Variants in C14orf93 observed in about 807,000 individuals in gnomAD.
C14orf93 encodes the protein uncharacterized protein C14orf93.
Under a neutral mutation model 44.0 loss-of-function variants are expected in C14orf93, and 23 were observed. That is an observed-to-expected ratio of 0.52 (90% confidence interval 0.38 to 0.74). The LOEUF (loss-of-function observed/expected upper bound fraction) is 0.74, where lower values mean the gene tolerates loss of function less well. Ranked by LOEUF, C14orf93 falls within the 30% of genes least tolerant of loss-of-function variation. The pLI is 0.00. For missense variants in C14orf93, 579 were observed against 678.9 expected, an observed-to-expected ratio of 0.85 and a Z score of 1.64; for synonymous variants, 253 against 265.7, an observed-to-expected ratio of 0.95 and a Z score of 0.46.
intron 2 of C14orf93, among the ~76,000 whole-genome samples, chr14:22,997,880 G>A (rs1476691903): frequency 6.6e-6 from 1 of 151,282 alleles, no homozygotes; most frequent in African/African-American, 2.4e-5. Flanking sequence ...TTTCTTCTGT[G>A]CTCCCTTTTT....
chr14:23,003,904 T>A (rs1338822471), intron 1 of C14orf93, among the ~76,000 whole-genome samples: 122 of 36,224 alleles, frequency 3.4e-3, no homozygotes, highest in African/African-American at 5.7e-3. Flanking sequence ...ATATATTTTT[T>A]TTTTTTTTTT....
At chr14:22,989,914 G>T (rs2045489507) in intron 4 of C14orf93, 69 bp from the exon 5 acceptor site, 1 of 1,477,354 alleles carries the variant, frequency 6.8e-7, no homozygotes, top group Non-Finnish European at 9.5e-7. Context: ...GAGATACCCA[G>T]CACTAATCAA....
Position 22,998,864 on chromosome 14 carries a change from C to G in C14orf93, c.160G>C (p.Ala54Pro). Residue 54 changes from alanine (A) to proline (P), a missense_variant, in exon 2 of 7, where the codon GCT becomes CCT. By Grantham distance (27) the Ala-to-Pro change is conservative. Transcript: ENST00000299088. Reference protein sequence around the residue: ...TPITVTGHGLAVQSSEQLLHV... With the variant: ...TPITVTGHGLPVQSSEQLLHV... ...AGGAGCTGCTCTGAGCTCTGAACAGCCAAGCCATGTCCAGTCACTGTGATG... is the reference window on the plus strand; with the variant it reads ...AGGAGCTGCTCTGAGCTCTGAACAGGCAAGCCATGTCCAGTCACTGTGATG... 1 of 1,613,948 alleles carries G rather than the reference C, an allele frequency of 6.2e-7. No homozygotes were observed. Among genetic ancestry groups the G allele is most frequent in the South Asian group, 1.1e-5 (1 of 91,072 alleles).
At position 22,996,104 on chromosome 14, in the gene C14orf93, C is replaced by CA; in HGVS notation, c.761dup (p.Met254IlefsTer54). ...TGTCCAGCGCAGCAGCGGCATTGAG[C>CA]ATGTCCTCAGGGCGGGGTGGTGGCA... On this transcript the variant is annotated frameshift_variant, in exon 3 of 7. Transcript: ENST00000299088. LOFTEE classifies it high-confidence loss of function. This position sits in a 1 kb window ranked among gnomAD's most constrained non-coding sequence, Gnocchi z 4.1. 6.2e-7 allele frequency: 1 copy of CA among 1,614,088 alleles called. No homozygotes were observed. Among genetic ancestry groups the CA allele is most frequent in the Non-Finnish European group, 8.5e-7 (1 of 1,180,028 alleles).
At chr14:23,007,680 A>G (rs2046697541) in intron 1 of C14orf93, among the ~76,000 whole-genome samples, 1 of 152,160 alleles carries the variant, frequency 6.6e-6, no homozygotes, top group Admixed American at 6.5e-5. Flanking sequence ...AACAGTGGAT[A>G]TGACCCTACG....
chr14:22,989,907 A>T, intron 4 of C14orf93, 62 bp from the exon 5 acceptor site: 2 of 1,501,924 alleles, frequency 1.3e-6, no homozygotes, highest in Non-Finnish European at 1.9e-6. Context: ...ACAAACAGAG[A>T]TACCCAGCAC....
Position 22,987,346 on chromosome 14 carries a change from T to A in C14orf93, c.1486A>T (p.Asn496Tyr). The A allele has an allele frequency of 1.9e-6, 3 of 1,614,190 alleles. No individual in the cohort carries two copies. The highest frequency in any genetic ancestry group is 2.5e-6 in the Non-Finnish European group (3 of 1,180,032). Residue 496 changes from asparagine (N) to tyrosine (Y), a missense_variant, in exon 7 of 7, where the codon AAT becomes TAT. Coordinates refer to ENST00000299088, the MANE Select transcript of C14orf93 (RefSeq NM_021944.4). This position sits in a 1 kb window ranked among gnomAD's most constrained non-coding sequence, Gnocchi z 5.6. ...QLLPPELYNP[N>Y]FQEEEDEGGD... Reference sequence around the variant, plus strand: ...CCCTCATCTTCCTCTTCTTGGAAATTAGGATTGTAAAGTTCTGGTGGAAGG... The same window carrying A: ...CCCTCATCTTCCTCTTCTTGGAAATAAGGATTGTAAAGTTCTGGTGGAAGG...
intron 3 of C14orf93, 144 bp downstream of exon 3, chr14:22,995,804 A>G (rs2045937927): frequency 1.5e-6 from 1 of 661,892 alleles, no homozygotes; most frequent in Non-Finnish European, 2.2e-6. Flanking sequence ...GTGTTACAGA[A>G]TAACCTCTCT....
Position 22,987,155 on chromosome 14 carries a change from G to A in C14orf93, c.*60C>T, listed in dbSNP as rs758842377. 225 of 1,490,728 alleles carry A rather than the reference G, an allele frequency of 1.5e-4. No individual in the cohort carries two copies. The highest frequency in any genetic ancestry group is 1.4e-3 in the Middle Eastern group (8 of 5,678). 92.3% of individuals were successfully genotyped at this position (1,490,728 alleles called of 1,614,324 possible). ...TCTCATTATTTTGTGAAGCCCCATG[G>A]CCACCTATTTCTGAGACATGGGGCA... On this transcript the variant is annotated 3_prime_UTR_variant, in exon 7 of 7. Coordinates refer to ENST00000299088, the MANE Select transcript of C14orf93 (RefSeq NM_021944.4). The surrounding 1 kb of genome is among the most constrained non-coding windows in gnomAD (Gnocchi z 5.6).
chr14:22,986,169 C>T lies in C14orf93; in HGVS notation c.*1046G>A, dbSNP rs2045219881. On this transcript the variant is annotated 3_prime_UTR_variant, in exon 7 of 7. Transcript: ENST00000299088. ...TCCCCTTTCCTTCTGGTTAACTCTT[C>T]CCCAGTTTAGACATTACACCCTCTC... The T allele has an allele frequency of 1.3e-5, 2 of 152,312 alleles. No homozygotes were observed. The highest frequency in any genetic ancestry group is 4.1e-4 in the South Asian group (2 of 4,836). 9.4% of individuals were successfully genotyped at this position (152,312 alleles called of 1,614,324 possible). A position where few individuals can be genotyped will look rare whatever the true frequency, so the allele number is the denominator to read the frequency against.
chr14:22,995,535 C>G (rs780178430), intron 3 of C14orf93, among the ~76,000 whole-genome samples: 2 of 151,926 alleles, frequency 1.3e-5, no homozygotes, highest in Admixed American at 1.3e-4. Context: ...CAAAAATTAG[C>G]TGGGGGTGGT....
chr14:23,006,043 G>C (rs1436786749), intron 1 of C14orf93: 2 of 152,180 alleles, frequency 1.3e-5, no homozygotes, highest in Non-Finnish European at 2.9e-5. Context: ...GATGATATAT[G>C]TTTTTATAAT....
At chr14:23,009,721 G>T (rs117300051) in intron 1 of C14orf93, among the ~76,000 whole-genome samples, 2 of 152,186 alleles carry the variant, frequency 1.3e-5, no homozygotes, top group East Asian at 1.9e-4. Flanking sequence ...TGCTTCCTTC[G>T]ATGTTGCCTG....
At chr14:22,989,481 C>A (rs1252691939) in intron 5 of C14orf93, among the ~76,000 whole-genome samples, 1 of 152,202 alleles carries the variant, frequency 6.6e-6, no homozygotes, top group Admixed American at 6.5e-5. Context: ...AGGTGCAAGA[C>A]CTGCATAAAC....
At chr14:23,007,784 A>G (rs2046703237) in intron 1 of C14orf93, among the ~76,000 whole-genome samples, 1 of 152,174 alleles carries the variant, frequency 6.6e-6, no homozygotes, top group Admixed American at 6.5e-5. Flanking sequence ...AGACGCTAAA[A>G]AGTAAGGTAA....
At chr14:23,003,672 G>A (rs573854164) in intron 1 of C14orf93, among the ~76,000 whole-genome samples, 3 of 150,922 alleles carry the variant, frequency 2.0e-5, no homozygotes, top group East Asian at 2.0e-4. Flanking sequence ...ATGCTGGCGC[G>A]TGCCTGTAAT....
rs2045974707 is a variant in C14orf93 at position 22,996,349 on chromosome 14, A to G, written c.598-81T>C. On this transcript the variant is annotated intron_variant, in intron 2 of 6. Coordinates refer to ENST00000299088, the MANE Select transcript of C14orf93 (RefSeq NM_021944.4). The surrounding 1 kb of genome is among the most constrained non-coding windows in gnomAD (Gnocchi z 4.1). ...TAACCATCATTCTTTGGCTAAGAAT[A>G]GTGAACAGAAAGTGGAAAGAAGGGG... 1 of 1,363,742 alleles carries G rather than the reference A, an allele frequency of 7.3e-7. No individual in the cohort carries two copies. The highest frequency in any genetic ancestry group is 9.9e-7 in the Non-Finnish European group (1 of 1,008,442). 84.5% of individuals were successfully genotyped at this position (1,363,742 alleles called of 1,614,324 possible). A position where few individuals can be genotyped will look rare whatever the true frequency, so the allele number is the denominator to read the frequency against.
chr14:23,003,873 TATATATATATATATATA>T lies in C14orf93; in HGVS notation c.-379-4488_-379-4472del, dbSNP rs2046441085. 2.8e-4 allele frequency among the ~76,000 whole-genome samples: 4 copies of T among 14,050 alleles called. 1 individual carries two copies. The highest frequency in any genetic ancestry group is 3.9e-4 in the Non-Finnish European group (3 of 7,638). 9.2% of individuals were successfully genotyped at this position (14,050 alleles called of 152,430 possible). Reference sequence around the variant, plus strand: ...TAATATATTCATATATATATATATATATATATATATATATATATATATATATTTTTTTTTTTTTTTTT... The same window carrying T: ...TAATATATTCATATATATATATATATTATATATATTTTTTTTTTTTTTTTT... On this transcript the variant is annotated intron_variant, in intron 1 of 6. Coordinates refer to ENST00000299088, the MANE Select transcript of C14orf93 (RefSeq NM_021944.4).
Position 22,999,190 on chromosome 14 carries a change from C to T in C14orf93, c.-167G>A. On this transcript the variant is annotated 5_prime_UTR_variant, in exon 2 of 7. Transcript: ENST00000299088. The stretch of plus-strand genomic sequence containing the variant: ...GAAGAGTAAACAAGCCATGAAGAAG[C>T]ACACAGTCCATGGCGGCCTCTCCTC... 1 of 1,114,376 alleles carries T rather than the reference C, an allele frequency of 9.0e-7. No individual in the cohort carries two copies. The highest frequency in any genetic ancestry group is 1.2e-6 in the Non-Finnish European group (1 of 806,392). The allele number at this position is 1,114,376 out of a possible 1,614,324, so 69.0% of individuals were successfully genotyped here. A position where few individuals can be genotyped will look rare whatever the true frequency, so the allele number is the denominator to read the frequency against.
Sources: allele counts gnomAD v4.1 joint callset (sites outside exome capture counted in the v4.1 genomes callset), GRCh38; gene constraint gnomAD v4.1.1; non-coding constraint Gnocchi (gnomAD v3.1); transcripts MANE v1.5; gene names NCBI Gene and HGNC (gene_info 2026-07-23, HGNC 2026-07-21).